Variants in GGA2 observed in about 807,000 individuals in gnomAD.
GGA2 encodes the protein golgi associated, gamma adaptin ear containing, ARF binding protein 2.
GGA2 carries 48 observed loss-of-function variants against 79.5 expected under a neutral mutation model. The ratio of observed to expected loss-of-function variants is 0.60; its 90% confidence interval spans 0.48 to 0.77. The LOEUF (loss-of-function observed/expected upper bound fraction) is 0.77, where lower values mean the gene tolerates loss of function less well. Among genes scored for constraint, GGA2 ranks in the 30% least tolerant of loss-of-function variants. The pLI, the probability that GGA2 is intolerant of heterozygous loss-of-function variation, is 0.00. For synonymous variants in GGA2, 317 were observed against 302.0 expected (o/e 1.05, Z -0.51); for missense variants, 770 against 774.0 (o/e 0.99, Z 0.06).
At chr16:23,499,218 C>G (rs943043500) in intron 1 of GGA2, among the ~76,000 whole-genome samples, 4 of 150,478 alleles carry the variant, frequency 2.7e-5, no homozygotes, top group African/African-American at 9.8e-5. Flanking sequence ...AATCTCGGCT[C>G]GCTGCAACCT....
At chr16:23,478,218 A>G in intron 13 of GGA2, 150 bp downstream of exon 13, 1 of 624,376 alleles carries the variant, frequency 1.6e-6, no homozygotes, top group Non-Finnish European at 2.5e-6. Context: ...AAAAAAAGAA[A>G]AAAAGACAAA....
intron 1 of GGA2, among the ~76,000 whole-genome samples, chr16:23,496,860 A>C (rs1964862340): frequency 6.6e-6 from 1 of 151,898 alleles, no homozygotes; most frequent in Non-Finnish European, 1.5e-5. Context: ...CAGGTGGCTA[A>C]GGCAGGAAAA....
At chr16:23,504,101 C>T (rs1001216913) in intron 1 of GGA2, among the ~76,000 whole-genome samples, 1 of 150,072 alleles carries the variant, frequency 6.7e-6, no homozygotes, top group Non-Finnish European at 1.5e-5. Flanking sequence ...AAAAAAAGTA[C>T]CTACTATGGG....
intron 1 of GGA2, among the ~76,000 whole-genome samples, chr16:23,505,943 C>T (rs1158779509): frequency 6.6e-6 from 1 of 152,024 alleles, no homozygotes; most frequent in Admixed American, 6.5e-5. Flanking sequence ...TTTTGGTAAG[C>T]GGGTATGGGT....
chr16:23,470,219 A>T (rs1001997244), intron 14 of GGA2, 54 bp from the exon 15 acceptor site: 19 of 1,391,420 alleles, frequency 1.4e-5, no homozygotes, highest in African/African-American at 2.9e-5. Context: ...CCCCCCGGAC[A>T]GCCAGGCTGG....
intron 9 of GGA2, 21 bp from the exon 10 acceptor site, chr16:23,480,791 C>T (rs955680966): frequency 6.3e-6 from 10 of 1,597,488 alleles, no homozygotes; most frequent in Non-Finnish European, 6.0e-6. Context: ...AGGGAAGACT[C>T]AGAACCCCCT....
intron 13 of GGA2, among the ~76,000 whole-genome samples, chr16:23,477,528 G>T (rs1964590147): frequency 6.6e-6 from 1 of 152,110 alleles, no homozygotes. Context: ...CGGATCATGA[G>T]GTCAAGAGAT....
At chr16:23,509,478 C>A (rs188056960) in intron 1 of GGA2, among the ~76,000 whole-genome samples, 2 of 152,268 alleles carry the variant, frequency 1.3e-5, no homozygotes, top group African/African-American at 4.8e-5. Flanking sequence ...TGACTGCCGG[C>A]TTGTACCCAC....
At chr16:23,491,881 A>G in intron 4 of GGA2, 81 bp from the exon 5 acceptor site, 1 of 952,610 alleles carries the variant, frequency 1.0e-6, no homozygotes, top group Non-Finnish European at 1.6e-6. Context: ...GTAGCTGCTG[A>G]GGCCCAGAGA....
rs1964455683 is a variant in GGA2 at position 23,467,501 on chromosome 16, T to C, written c.*89A>G. On this transcript the variant is annotated 3_prime_UTR_variant, in exon 17 of 17. Transcript: ENST00000309859. ...GACGTCAGGATAGGACTCTTGGCAC[T>C]CCGCACTGAAACACCGTGATTAGTC... is the stretch of plus-strand genomic sequence containing the variant. The C allele has an allele frequency of 2.8e-6, 2 of 711,480 alleles. No homozygotes were observed. Among genetic ancestry groups the C allele is most frequent in the African/African-American group, 3.5e-5 (2 of 56,680 alleles). The allele number at this position is 711,480 out of a possible 1,614,324, so 44.1% of individuals were successfully genotyped here.
At chr16:23,489,438 G>A (rs1483855637) in intron 5 of GGA2, among the ~76,000 whole-genome samples, 21 of 151,960 alleles carry the variant, frequency 1.4e-4, no homozygotes, top group East Asian at 1.9e-4. Context: ...TGGGGGTCTC[G>A]CTATGTTGCC....
chr16:23,483,859 C>T (rs1198439423), intron 8 of GGA2, among the ~76,000 whole-genome samples: 5 of 151,428 alleles, frequency 3.3e-5, no homozygotes, highest in African/African-American at 1.2e-4. Context: ...GTTGGTCAGG[C>T]TGGTCTTGAA....
intron 14 of GGA2, among the ~76,000 whole-genome samples, chr16:23,473,660 A>C (rs1409766692): frequency 6.6e-6 from 1 of 151,972 alleles, no homozygotes; most frequent in Non-Finnish European, 1.5e-5. Context: ...TACATTTTGA[A>C]CATGTATTTT....
At chr16:23,521,933 C>T (rs1002304235) in exon 1 of GGA2, 3 of 410,090 alleles carry the variant, frequency 7.3e-6, no homozygotes, top group African/African-American at 6.2e-5. Context: ...TTGCCTCGTA[C>T]TATAACCTCG....
chr16:23,472,468 G>A (rs1412207145), intron 14 of GGA2, among the ~76,000 whole-genome samples: 2 of 151,684 alleles, frequency 1.3e-5, no homozygotes, highest in Non-Finnish European at 2.9e-5. Flanking sequence ...AACGTGCTGG[G>A]ATTACAGGCA....
chr16:23,495,428 T>C (rs1337459485), intron 2 of GGA2: 1 of 276,594 alleles, frequency 3.6e-6, no homozygotes, highest in East Asian at 6.1e-5. Context: ...CTCAGGATTA[T>C]AGGGGAAAAT....
At chr16:23,515,987 G>A (rs1005158268) in intron 2 of GGA2, among the ~76,000 whole-genome samples, 3 of 150,176 alleles carry the variant, frequency 2.0e-5, no homozygotes, top group Non-Finnish European at 4.4e-5. Context: ...TACAATTACA[G>A]GCATAAGCCA....
At chr16:23,496,385 G>A (rs1462909720) in intron 1 of GGA2, among the ~76,000 whole-genome samples, 1 of 151,908 alleles carries the variant, frequency 6.6e-6, no homozygotes, top group East Asian at 1.9e-4. Flanking sequence ...AGGTTGGCCC[G>A]GGTGTTGGCT....
At chr16:23,482,625 C>T (rs561993143) in intron 9 of GGA2, among the ~76,000 whole-genome samples, 149 of 152,298 alleles carry the variant, frequency 9.8e-4, no homozygotes, top group African/African-American at 3.4e-3. Context: ...CTGGCCCCTG[C>T]GATTGGTCAG....
Sources: gnomAD v4.1 joint callset for allele counts (sites outside exome capture counted in the v4.1 genomes callset) on GRCh38, gnomAD v4.1.1 for gene constraint, MANE v1.5 for transcripts, NCBI Gene and HGNC (gene_info 2026-07-23, HGNC 2026-07-21) for gene names.